The following ZNF609 variants were observed in gnomAD, a reference collection of about 807,000 sequenced individuals.
The protein encoded by ZNF609 is zinc finger protein 609.
ZNF609 carries 11 observed loss-of-function variants against 109.5 expected under a neutral mutation model. The observed-to-expected ratio is 0.10, with a 90% CI of 0.06 to 0.17. The LOEUF (loss-of-function observed/expected upper bound fraction) is 0.17. Ranked by LOEUF, ZNF609 falls within the 10% of genes least tolerant of loss-of-function variation. The pLI is 1.00. For synonymous variants in ZNF609, 646 were observed against 662.0 expected (o/e 0.98, Z 0.37); for missense variants, 1,559 against 1,772.4 (o/e 0.88, Z 2.16).
chr15:64,606,346 C>T (rs1015033937), intron 2 of ZNF609, among the ~76,000 whole-genome samples: 5 of 150,676 alleles, frequency 3.3e-5, no homozygotes, highest in African/African-American at 7.3e-5. Flanking sequence ...CTGAGGCAAG[C>T]GCAGGAGTTC....
intron 2 of ZNF609, among the ~76,000 whole-genome samples, chr15:64,547,969 A>T (rs1331224504): frequency 6.6e-6 from 1 of 152,194 alleles, no homozygotes; most frequent in Non-Finnish European, 1.5e-5. Context: ...CATAAACCAA[A>T]TAGCAGGAAA....
chr15:64,543,147 C>T (rs1045376876), intron 2 of ZNF609, among the ~76,000 whole-genome samples: 10 of 151,696 alleles, frequency 6.6e-5, no homozygotes, highest in Non-Finnish European at 1.3e-4. Context: ...TATCCCAGAA[C>T]TTAAAGTAAA....
rs747968852 is a variant in ZNF609, at chr15:64,678,326, G to C, written c.3613G>C (p.Glu1205Gln). Reference sequence around the variant, plus strand: ...AGAGGAGTCTCGCCTTGGGAGCAAGGAGCCCCGGCCAAGTGTCCATGTGCC... The same window carrying C: ...AGAGGAGTCTCGCCTTGGGAGCAAGCAGCCCCGGCCAAGTGTCCATGTGCC... Reference protein sequence around the residue: ...TSEESRLGSKEPRPSVHVPVS... With the variant: ...TSEESRLGSKQPRPSVHVPVS... Residue 1205 changes from glutamate to glutamine, a missense_variant, in exon 6 of 10, where the codon GAG becomes CAG. Around this residue, in one of 4 missense-constraint regions of ZNF609, gnomAD observed 1,204 missense variants for 1,314.1 expected, o/e 0.92. Transcript: ENST00000326648. The C allele has an allele frequency of 6.2e-7, 1 of 1,614,086 alleles. No homozygotes were observed. Among genetic ancestry groups the C allele is most frequent in the East Asian group, 2.2e-5 (1 of 44,882 alleles).
chr15:64,656,034 A>C (rs1896483215), intron 3 of ZNF609, among the ~76,000 whole-genome samples: 1 of 152,070 alleles, frequency 6.6e-6, no homozygotes. Flanking sequence ...TAAGCAACTC[A>C]GCACTCAGTC....
chr15:64,595,360 C>CA (rs923203042), intron 2 of ZNF609, among the ~76,000 whole-genome samples: 6,651 of 76,550 alleles, frequency 0.087, 453 homozygotes, highest in African/African-American at 0.23. Flanking sequence ...GATTCCGTCT[C>CA]AAAAAAAAAA....
At chr15:64,558,175 T>G (rs1045671398) in intron 2 of ZNF609, among the ~76,000 whole-genome samples, 4 of 152,184 alleles carry the variant, frequency 2.6e-5, no homozygotes, top group African/African-American at 9.7e-5. Flanking sequence ...TACTTAACTC[T>G]CCATTATTGC....
intron 2 of ZNF609, among the ~76,000 whole-genome samples, chr15:64,575,337 T>C (rs1466455271): frequency 6.6e-6 from 1 of 151,410 alleles, no homozygotes; most frequent in African/African-American, 2.4e-5. Flanking sequence ...GGCAGGAAAA[T>C]CACTTGAACC....
In ZNF609 at chr15:64,553,078, A is replaced by T. The variant is rs1043254679; in HGVS notation, c.747+52912A>T. ...AAAATCAGTTGACCATTTATCATAG[A>T]TGTGTGGTTCTATTTCTGGACTCTC... On this transcript the variant is annotated intron_variant, in intron 2 of 9. Transcript: ENST00000326648. Among the ~76,000 whole-genome samples, 34 of 152,210 alleles carry T rather than the reference A, an allele frequency of 2.2e-4. 1 individual carries two copies. The highest frequency in any genetic ancestry group is 8.2e-4 in the African/African-American group (34 of 41,540).
Position 64,675,368 on chromosome 15 carries a change from C to G in ZNF609, c.2514C>G (p.Val838=). The G allele has an allele frequency of 2.5e-6, 4 of 1,614,004 alleles. No individual in the cohort carries two copies. Among genetic ancestry groups the G allele is most frequent in the Non-Finnish European group, 3.4e-6 (4 of 1,179,968 alleles). ...AGAATGGAGCTGAAGCCAGCTCAGTCAAAACCAACAGCCCTGCATACTCTG... is the reference window on the plus strand; with the variant it reads ...AGAATGGAGCTGAAGCCAGCTCAGTGAAAACCAACAGCCCTGCATACTCTG... ...VTQNGAEASS[V]KTNSPAYSDI... The change falls in exon 5 of 10, where the codon GTC becomes GTG. Residue 838 remains valine, a synonymous_variant. Coordinates refer to ENST00000326648, the MANE Select transcript of ZNF609 (RefSeq NM_015042.2).
Position 64,531,602 on chromosome 15 carries a change from T to C in ZNF609, c.747+31436T>C, listed in dbSNP as rs186624184. Among the ~76,000 whole-genome samples, 4 of 152,220 alleles carry C rather than the reference T, an allele frequency of 2.6e-5. No homozygotes were observed. The East Asian group carries it at 7.7e-4, about 29-fold the overall frequency. ...TTTGTGGAGACGGGGTCTCCCTATG[T>C]TGCCCAGGCGGGTCTTGAACTCCTG... On this transcript the variant is annotated intron_variant, in intron 2 of 9. Transcript: ENST00000326648.
chr15:64,479,764 C>A (rs1893225721), intron 1 of ZNF609, among the ~76,000 whole-genome samples: 1 of 151,738 alleles, frequency 6.6e-6, no homozygotes, highest in Non-Finnish European at 1.5e-5. Context: ...ACTAAAAATA[C>A]AAACATTAGC....
intron 2 of ZNF609, among the ~76,000 whole-genome samples, chr15:64,532,447 AT>A (rs1324144859): frequency 6.6e-6 from 1 of 152,194 alleles, no homozygotes; most frequent in Non-Finnish European, 1.5e-5. Context: ...CCCAATAAAT[AT>A]TTATTAAACA....
At chr15:64,604,690 T>A (rs1236456368) in intron 2 of ZNF609, among the ~76,000 whole-genome samples, 1 of 152,204 alleles carries the variant, frequency 6.6e-6, no homozygotes, top group Non-Finnish European at 1.5e-5. Context: ...ACAAAGAATT[T>A]ATAGATTCCC....
Position 64,680,630 on chromosome 15 carries a change from C to G in ZNF609, c.3946-16C>G. The G allele has an allele frequency of 6.4e-7, 1 of 1,567,850 alleles. No homozygotes were observed. The highest frequency in any genetic ancestry group is 8.7e-7 in the Non-Finnish European group (1 of 1,155,116). On this transcript the variant is annotated splice_polypyrimidine_tract_variant and intron_variant, in intron 7 of 9. Coordinates refer to ENST00000326648, the MANE Select transcript of ZNF609 (RefSeq NM_015042.2). ...GTCTCACTATAGTGCTTTTGTGTCT[C>G]TGGTTTCCTTTCCAGATAAGTGATA... is the stretch of plus-strand genomic sequence containing the variant.
intron 3 of ZNF609, among the ~76,000 whole-genome samples, chr15:64,648,101 C>T (rs560444091): frequency 6.6e-6 from 1 of 152,268 alleles, no homozygotes; most frequent in African/African-American, 2.4e-5. Context: ...TTCTCAAGTG[C>T]AGTGCGTAAA....
In ZNF609 at chr15:64,675,460, A is replaced by T; in HGVS notation, c.2606A>T (p.Gln869Leu). Residue 869 changes from glutamine (Q) to leucine (L), a missense_variant, in exon 5 of 10, where the codon CAG becomes CTG. Physicochemically the swap from Gln to Leu is moderately radical, Grantham distance 113. This residue lies in a region of ZNF609 where 1,204 missense variants were observed against 1,314.1 expected (regional missense o/e 0.92). Transcript: ENST00000326648. ...AGTGTCAAATCAAAGGACGCCGAAC[A>T]GTTGGTTAAAGAAGGGGCTAAGAAA... ...VDSVKSKDAE[Q>L]LVKEGAKKTL... 6.2e-7 allele frequency: 1 copy of T among 1,614,192 alleles called. No homozygotes were observed. The highest frequency in any genetic ancestry group is 1.1e-5 in the South Asian group (1 of 91,088).
At position 64,675,998 on chromosome 15, in the gene ZNF609, A is replaced by C. The variant is rs1177457822; in HGVS notation, c.3144A>C (p.Pro1048=). The C allele has an allele frequency of 6.2e-7, 1 of 1,614,102 alleles. No individual in the cohort carries two copies. Among genetic ancestry groups the C allele is most frequent in the Non-Finnish European group, 8.5e-7 (1 of 1,180,034 alleles). ...GGAAGCAAAAGCCGTCAATTCCACCAACTCTCACCAAGGCCCCCAGCCTGA... is the reference window on the plus strand; with the variant it reads ...GGAAGCAAAAGCCGTCAATTCCACCCACTCTCACCAAGGCCCCCAGCCTGA... ...EEWKQKPSIP[P]TLTKAPSLTD... is the part of the protein sequence containing the mutation. Residue 1048 remains proline (P), a synonymous_variant, in exon 5 of 10, where the codon CCA becomes CCC. Coordinates refer to ENST00000326648, the MANE Select transcript of ZNF609 (RefSeq NM_015042.2).
chr15:64,677,636 C>T (rs2141017931), intron 5 of ZNF609, among the ~76,000 whole-genome samples: 1 of 152,320 alleles, frequency 6.6e-6, no homozygotes, highest in Non-Finnish European at 1.5e-5. Context: ...AACTTGGAAT[C>T]TCATATCTTG....
chr15:64,680,424 G>C, intron 7 of ZNF609, 64 bp downstream of exon 7: 1 of 1,580,536 alleles, frequency 6.3e-7, no homozygotes, highest in Non-Finnish European at 8.6e-7. Context: ...CCAGGGTCTG[G>C]GAGAAGGTGG....
Sources: gnomAD v4.1 joint callset for allele counts (sites outside exome capture counted in the v4.1 genomes callset) on GRCh38, gnomAD v4.1.1 for gene constraint, gnomAD v4.1.1 regional missense constraint, MANE v1.5 for transcripts, NCBI Gene and HGNC (gene_info 2026-07-23, HGNC 2026-07-21) for gene names.